Variants in CDH18 observed in about 807,000 individuals in gnomAD.
CDH18 encodes the protein cadherin 18.
CDH18 carries 31 observed loss-of-function variants against 67.9 expected under a neutral mutation model. The observed-to-expected ratio is 0.46, with a 90% confidence interval of 0.34 to 0.62. The LOEUF is 0.62. Ranked by LOEUF, CDH18 falls within the 20% of genes least tolerant of loss-of-function variation. The pLI is 0.01. For missense variants in CDH18, 890 were observed against 975.5 expected, an observed-to-expected ratio of 0.91 and a Z score of 1.17; for synonymous variants, 362 against 347.2, an observed-to-expected ratio of 1.04 and a Z score of -0.48.
At chr5:20,118,027 T>C (rs2126395290) in intron 2 of CDH18, among the ~76,000 whole-genome samples, 1 of 152,194 alleles carries the variant, frequency 6.6e-6, no homozygotes, top group Non-Finnish European at 1.5e-5. Context: ...CTAATTCCAC[T>C]GTAATTCTGC....
At chr5:19,981,433 A>G (rs1799030806) in intron 1 of CDH18, among the ~76,000 whole-genome samples, 1 of 152,090 alleles carries the variant, frequency 6.6e-6, no homozygotes, top group Admixed American at 6.6e-5. Context: ...GCAGGCATTT[A>G]TTTCCTCACA....
intron 3 of CDH18, among the ~76,000 whole-genome samples, chr5:19,750,429 A>T (rs954259342): frequency 6.6e-6 from 1 of 152,134 alleles, no homozygotes; most frequent in African/African-American, 2.4e-5. Flanking sequence ...AAATAGGTGA[A>T]TAATAAGGGT....
At chr5:19,796,020 C>T (rs918798374) in intron 3 of CDH18, among the ~76,000 whole-genome samples, 1 of 151,936 alleles carries the variant, frequency 6.6e-6, no homozygotes, top group Admixed American at 6.6e-5. Context: ...GAGAACAGAA[C>T]AATAAAGTTC....
intron 2 of CDH18, among the ~76,000 whole-genome samples, chr5:20,172,242 A>ATATATATATGTATATATG (rs1736883893): frequency 3.5e-5 from 2 of 56,698 alleles, no homozygotes; most frequent in Non-Finnish European, 7.2e-5. Flanking sequence ...ATATATATGT[A>ATATATATATGTATATATG]TATATATATA....
At chr5:19,834,763 G>A (rs1050086704) in intron 3 of CDH18, among the ~76,000 whole-genome samples, 1 of 152,020 alleles carries the variant, frequency 6.6e-6, no homozygotes, top group African/African-American at 2.4e-5. Flanking sequence ...CTTGATTTCT[G>A]CCTTAATTTC....
At chr5:19,617,069 A>T (rs1749952405) in intron 5 of CDH18, among the ~76,000 whole-genome samples, 1 of 152,192 alleles carries the variant, frequency 6.6e-6, no homozygotes, top group Non-Finnish European at 1.5e-5. Context: ...GGTCGGACAC[A>T]AATATTCAGT....
chr5:20,551,193 T>C (rs1178245295), intron 1 of CDH18, among the ~76,000 whole-genome samples: 1 of 152,204 alleles, frequency 6.6e-6, no homozygotes, highest in Non-Finnish European at 1.5e-5. Flanking sequence ...ATCTAAAATG[T>C]TATTTTTAAT....
chr5:19,767,633 A>C lies in CDH18; in HGVS notation c.229-20397T>G, dbSNP rs1269656438. On this transcript the variant is annotated intron_variant, in intron 3 of 12. Coordinates refer to ENST00000382275, the MANE Select transcript of CDH18 (RefSeq NM_004934.5). The stretch of plus-strand genomic sequence containing the variant: ...AAAGCAGAAAGAAACATTAGAAAAC[A>C]AAAACAGAGGGGACACAATTAAAAT... Among the ~76,000 whole-genome samples, 64 of 152,270 alleles carry C rather than the reference A, an allele frequency of 4.2e-4. 1 individual carries two copies. Among genetic ancestry groups the C allele is most frequent in the Non-Finnish European group, 5.9e-5 (4 of 68,018 alleles).
At chr5:20,389,273 T>C (rs1744605195) in intron 1 of CDH18, among the ~76,000 whole-genome samples, 1 of 152,204 alleles carries the variant, frequency 6.6e-6, no homozygotes, top group Non-Finnish European at 1.5e-5. Flanking sequence ...TAGTTAGCTC[T>C]TCTTGTTGAA....
Position 20,423,135 on chromosome 5 carries a change from C to A in CDH18, c.-580+152327G>T, listed in dbSNP as rs568051811. Among the ~76,000 whole-genome samples the A allele has an allele frequency of 8.6e-5, 13 of 151,388 alleles. 1 individual carries two copies. Among genetic ancestry groups the A allele is most frequent in the African/African-American group, 2.9e-4 (12 of 40,682 alleles). On this transcript the variant is annotated intron_variant, in intron 1 of 14. Coordinates refer to the CDH18 transcript ENST00000507958. Reference sequence around the variant, plus strand: ...AGAATGAATGGACGTCTGTGCACTGCGCGCTGGAACCTTTGGTCTCCTTCT... The same window carrying A: ...AGAATGAATGGACGTCTGTGCACTGAGCGCTGGAACCTTTGGTCTCCTTCT...
At chr5:19,859,989 G>GGTGTGTGT (rs3065070) in intron 2 of CDH18, among the ~76,000 whole-genome samples, 7,984 of 143,160 alleles carry the variant, frequency 0.056, 272 homozygotes, top group Middle Eastern at 0.076. Flanking sequence ...GTTTGCTTTG[G>GGTGTGTGT]GTGTGTGTGT....
chr5:19,962,164 C>T (rs1421722319), intron 2 of CDH18, among the ~76,000 whole-genome samples: 1 of 151,450 alleles, frequency 6.6e-6, no homozygotes, highest in Admixed American at 6.6e-5. Flanking sequence ...AAGTCTTCTC[C>T]ACTGTTTGAT....
chr5:20,283,954 T>C (rs1746485430), intron 1 of CDH18, among the ~76,000 whole-genome samples: 1 of 152,000 alleles, frequency 6.6e-6, no homozygotes, highest in Non-Finnish European at 1.5e-5. Context: ...ATAGCATGGA[T>C]GGAACTAGAG....
chr5:19,952,290 C>G (rs1174747618), intron 2 of CDH18, among the ~76,000 whole-genome samples: 1 of 152,166 alleles, frequency 6.6e-6, no homozygotes, highest in Non-Finnish European at 1.5e-5. Flanking sequence ...ACCTTGTGAT[C>G]TGCTGGCTTC....
intron 5 of CDH18, among the ~76,000 whole-genome samples, chr5:19,670,724 C>A (rs867190821): frequency 2.0e-5 from 3 of 152,052 alleles, no homozygotes; most frequent in Non-Finnish European, 4.4e-5. Flanking sequence ...GGAGACCAAG[C>A]TGAACGACAA....
At chr5:20,536,083 C>T (rs897498707) in intron 1 of CDH18, among the ~76,000 whole-genome samples, 3 of 152,086 alleles carry the variant, frequency 2.0e-5, no homozygotes, top group Non-Finnish European at 4.4e-5. Context: ...TTTAAAATAG[C>T]TTGCATATAA....
chr5:20,513,237 A>T (rs1248184920), intron 1 of CDH18, among the ~76,000 whole-genome samples: 1 of 152,176 alleles, frequency 6.6e-6, no homozygotes, highest in Non-Finnish European at 1.5e-5. Flanking sequence ...CCCAGGGCTT[A>T]GAAGATCCTG....
At position 19,837,575 on chromosome 5, in the gene CDH18, C is replaced by G. The variant is rs73761838; in HGVS notation, c.228+1184G>C. ...AGTTCTTCTGTCTCATTTTAATATG[C>G]ATATGAGAATATGATACAATTGTTT... On this transcript the variant is annotated intron_variant, in intron 3 of 12. Transcript: ENST00000382275. Among the ~76,000 whole-genome samples, 918 of 152,064 alleles carry G rather than the reference C, an allele frequency of 6.0e-3. 7 individuals are homozygous for G. Among genetic ancestry groups the G allele is most frequent in the African/African-American group, 0.021 (865 of 41,492 alleles).
At chr5:20,019,994 T>G (rs879382573) in intron 2 of CDH18, among the ~76,000 whole-genome samples, 1 of 152,178 alleles carries the variant, frequency 6.6e-6, no homozygotes, top group Non-Finnish European at 1.5e-5. Context: ...ATGAGGACCT[T>G]ACTAGGAACC....
Sources: gnomAD v4.1 joint callset for allele counts (sites outside exome capture counted in the v4.1 genomes callset) on GRCh38, gnomAD v4.1.1 for gene constraint, MANE v1.5 for transcripts, NCBI Gene and HGNC (gene_info 2026-07-23, HGNC 2026-07-21) for gene names.